GNG7: variants seen among roughly 807,000 people sequenced by gnomAD.
The protein encoded by GNG7 is guanine nucleotide-binding protein G(I)/G(S)/G(O) subunit gamma-7.
Under a neutral mutation model 4.0 loss-of-function variants are expected in GNG7, and 1 was observed. That is an observed-to-expected ratio of 0.25 (90% CI 0.09 to 1.18). The LOEUF (loss-of-function observed/expected upper bound fraction) is 1.18. GNG7 is among the 50% of genes most tolerant of loss of function. The pLI is 0.50. For missense variants in GNG7, 86 were observed against 91.9 expected, an observed-to-expected ratio of 0.94 and a Z score of 0.26; for synonymous variants, 34 against 36.9, an observed-to-expected ratio of 0.92 and a Z score of 0.29.
chr19:2,694,817 T>A (rs1262812027), intron 1 of GNG7, among the ~76,000 whole-genome samples: 1 of 150,564 alleles, frequency 6.6e-6, no homozygotes, highest in East Asian at 2.0e-4. Flanking sequence ...ACATCTGTGG[T>A]TGTCACAACT....
chr19:2,540,927 A>AGGAGC (rs930235195), intron 3 of GNG7, among the ~76,000 whole-genome samples: 59 of 152,370 alleles, frequency 3.9e-4, no homozygotes, highest in African/African-American at 1.4e-3. Flanking sequence ...TAAACCGACC[A>AGGAGC]GGAGCCGCCG....
intron 2 of GNG7, among the ~76,000 whole-genome samples, chr19:2,578,985 C>CCGTCGCT (rs1980422386): frequency 6.6e-6 from 1 of 152,242 alleles, no homozygotes; most frequent in African/African-American, 2.4e-5. Flanking sequence ...ACCTGCTTGT[C>CCGTCGCT]TGTCGCTTGT....
chr19:2,631,726 G>A (rs1258538911), intron 2 of GNG7, among the ~76,000 whole-genome samples: 1 of 152,088 alleles, frequency 6.6e-6, no homozygotes, highest in African/African-American at 2.4e-5. Flanking sequence ...GCCAGACTGG[G>A]CCTGGGGTGG....
In GNG7 at chr19:2,634,274, C is replaced by T. The variant is rs923320541; in HGVS notation, c.-78+11950G>A. ...CGATTGTTCTCTGGGGTGGGGCCGT[C>T]CTGGGCACTGCGGGGTGCTGAGCAG... On this transcript the variant is annotated intron_variant, in intron 2 of 4. Coordinates refer to ENST00000382159, the MANE Select transcript of GNG7 (RefSeq NM_052847.3). The surrounding 1 kb of genome is among the most constrained non-coding windows in gnomAD (Gnocchi z 5.3). Among the ~76,000 whole-genome samples, 2 of 152,224 alleles carry T rather than the reference C, an allele frequency of 1.3e-5. No homozygotes were observed. Among genetic ancestry groups the T allele is most frequent in the African/African-American group, 4.8e-5 (2 of 41,460 alleles).
chr19:2,660,999 G>T (rs141876439), intron 1 of GNG7, among the ~76,000 whole-genome samples: 1 of 151,316 alleles, frequency 6.6e-6, no homozygotes, highest in Admixed American at 6.6e-5. Flanking sequence ...ATCACCTGAG[G>T]TTGGGAGTTC....
chr19:2,571,314 T>G (rs1301796830), intron 2 of GNG7, among the ~76,000 whole-genome samples: 1 of 152,180 alleles, frequency 6.6e-6, no homozygotes, highest in African/African-American at 2.4e-5. Context: ...AGGTGCTACC[T>G]GCTGATGCGA....
chr19:2,682,757 T>C (rs1007380726), intron 1 of GNG7, among the ~76,000 whole-genome samples: 1 of 150,544 alleles, frequency 6.6e-6, no homozygotes, highest in African/African-American at 2.4e-5. Flanking sequence ...CTCCACGCCA[T>C]GAGCCTTGGT....
intron 2 of GNG7, among the ~76,000 whole-genome samples, chr19:2,625,548 A>G (rs928890839): frequency 3.9e-5 from 6 of 151,956 alleles, no homozygotes; most frequent in African/African-American, 1.2e-4. Context: ...GGTCACGGGG[A>G]TCAGGAAGCA....
intron 2 of GNG7, among the ~76,000 whole-genome samples, chr19:2,619,988 G>A (rs1019631686): frequency 1.3e-5 from 2 of 151,408 alleles, no homozygotes; most frequent in African/African-American, 2.4e-5. Flanking sequence ...ACCTGAGGTC[G>A]GGAGTTCAAG....
rs141375427 is a variant in GNG7 at position 2,600,140 on chromosome 19, G to C, written c.-77-44952C>G. 4.3e-3 allele frequency among the ~76,000 whole-genome samples: 653 copies of C among 151,582 alleles called. 15 individuals carry two copies. In the East Asian group the frequency reaches 0.052, roughly 12 times the overall value. On this transcript the variant is annotated intron_variant, in intron 2 of 4. Transcript: ENST00000382159. ...AAAAATTAAGGCCCTTAAACAGCTTGTGTTTATGTAGATTTTAGCTATACT... is the reference window on the plus strand; with the variant it reads ...AAAAATTAAGGCCCTTAAACAGCTTCTGTTTATGTAGATTTTAGCTATACT...
At chr19:2,537,536 T>C (rs1978781094) in intron 3 of GNG7, among the ~76,000 whole-genome samples, 1 of 152,144 alleles carries the variant, frequency 6.6e-6, no homozygotes, top group African/African-American at 2.4e-5. Context: ...CACCTGGCTA[T>C]AATAAAATAA....
intron 4 of GNG7, among the ~76,000 whole-genome samples, chr19:2,518,792 T>C (rs562372660): frequency 5.9e-5 from 9 of 152,160 alleles, no homozygotes; most frequent in Non-Finnish European, 1.2e-4. Flanking sequence ...TTAAATGTTT[T>C]TTTGTTTTTG....
Position 2,549,155 on chromosome 19 carries a change from CTG to C in GNG7, c.-38+5992_-38+5993del, listed in dbSNP as rs562167772. ...AACCCTGACTCCTGTGCCAACCCAACTGTGTCTGGCTCAACGCTCGACGCTCA... is the reference window on the plus strand; with the variant it reads ...AACCCTGACTCCTGTGCCAACCCAACTGTCTGGCTCAACGCTCGACGCTCA... On this transcript the variant is annotated intron_variant, in intron 3 of 4. Coordinates refer to ENST00000382159, the MANE Select transcript of GNG7 (RefSeq NM_052847.3). Among the ~76,000 whole-genome samples the C allele has an allele frequency of 4.9e-3, 752 of 152,324 alleles. 5 individuals carry two copies. Among genetic ancestry groups the C allele is most frequent in the Non-Finnish European group, 8.1e-3 (550 of 68,038 alleles).
chr19:2,679,329 G>A (rs1451578781), intron 1 of GNG7, among the ~76,000 whole-genome samples: 1 of 152,002 alleles, frequency 6.6e-6, no homozygotes, highest in South Asian at 2.1e-4. Context: ...GGAATTACAG[G>A]TGTGAGCCAC....
intron 2 of GNG7, among the ~76,000 whole-genome samples, chr19:2,563,271 C>T (rs1208051725): frequency 6.6e-6 from 1 of 151,832 alleles, no homozygotes; most frequent in Non-Finnish European, 1.5e-5. Context: ...ATAATGAACA[C>T]AGGTCTCTCC....
At chr19:2,577,095 C>T (rs926435767) in intron 2 of GNG7, among the ~76,000 whole-genome samples, 4 of 152,376 alleles carry the variant, frequency 2.6e-5, no homozygotes, top group East Asian at 1.9e-4. Flanking sequence ...AGGTCCACCT[C>T]GCAAGCTGGG....
chr19:2,655,441 G>A (rs974515786), intron 1 of GNG7, among the ~76,000 whole-genome samples: 1 of 152,010 alleles, frequency 6.6e-6, no homozygotes, highest in Non-Finnish European at 1.5e-5. Flanking sequence ...GGCCGGGTGC[G>A]GTGGCTCATA....
chr19:2,701,742 A>C (rs1215873297), intron 1 of GNG7, among the ~76,000 whole-genome samples: 4 of 96,826 alleles, frequency 4.1e-5, no homozygotes, highest in South Asian at 3.4e-4. Context: ...CCTCAACCCC[A>C]CTCCCAGCTC....
Position 2,512,768 on chromosome 19 carries a change from T to G in GNG7, c.*2254A>C, listed in dbSNP as rs1972673751. ...TCTTTTAAGGAAAAACGGGGTGGGG[T>G]GTGTTTGTTCCCAGTTACCAAGATG... On this transcript the variant is annotated 3_prime_UTR_variant, in exon 5 of 5. Transcript: ENST00000382159. The surrounding 1 kb of genome is among the most constrained non-coding windows in gnomAD (Gnocchi z 4.7). 5.4e-6 allele frequency: 2 copies of G among 369,468 alleles called. No individual in the cohort carries two copies. The highest frequency in any genetic ancestry group is 3.7e-6 in the Non-Finnish European group (1 of 267,546). 22.9% of individuals were successfully genotyped at this position (369,468 alleles called of 1,614,324 possible).
Sources: gnomAD v4.1 joint callset for allele counts (sites outside exome capture counted in the v4.1 genomes callset) on GRCh38, gnomAD v4.1.1 for gene constraint, Gnocchi (gnomAD v3.1) non-coding constraint, MANE v1.5 for transcripts, NCBI Gene and HGNC (gene_info 2026-07-23, HGNC 2026-07-21) for gene names.